TNNI3K: variants seen among roughly 807,000 people sequenced by gnomAD.
TNNI3K encodes TNNI3 interacting kinase, also known as serine/threonine-protein kinase TNNI3K.
TNNI3K carries 140 observed loss-of-function variants against 114.5 expected under a neutral mutation model. The ratio of observed to expected loss-of-function variants is 1.22; its 90% CI spans 1.07 to 1.41. TNNI3K has a LOEUF of 1.41. Among genes scored for constraint, TNNI3K ranks in the 40% most tolerant of loss-of-function variants. The pLI, the probability that TNNI3K is intolerant of heterozygous loss-of-function variation, is 0.00. For missense variants in TNNI3K, 1,125 were observed against 1,007.6 expected, an observed-to-expected ratio of 1.12 and a Z score of -1.58; for synonymous variants, 347 against 347.5, an observed-to-expected ratio of 1.00 and a Z score of 0.02.
At chr1:74,526,862 G>C (rs6604866) in intron 23 of TNNI3K, among the ~76,000 whole-genome samples, 66,837 of 152,032 alleles carry the variant, frequency 0.44, 16,140 homozygotes, top group Non-Finnish European at 0.56. Flanking sequence ...AAATCCAACT[G>C]CCTGCTTGTT....
At chr1:74,402,742 AG>A (rs1345162220) in intron 17 of TNNI3K, among the ~76,000 whole-genome samples, 1 of 152,224 alleles carries the variant, frequency 6.6e-6, no homozygotes, top group East Asian at 1.9e-4. Flanking sequence ...TATCAGCTGG[AG>A]GCTTCCCTTA....
intron 16 of TNNI3K, 29 bp from the exon 17 acceptor site, chr1:74,370,259 T>C: frequency 6.5e-7 from 1 of 1,544,514 alleles, no homozygotes; most frequent in Non-Finnish European, 8.8e-7. Context: ...GACCATTTCA[T>C]CTCTGTTAAA....
intron 19 of TNNI3K, 29 bp downstream of exon 19, chr1:74,436,555 TA>T (rs1204288161): frequency 1.3e-6 from 2 of 1,573,464 alleles, no homozygotes; most frequent in African/African-American, 1.4e-5. Context: ...TTCCTATAAT[TA>T]TAAACCAATT....
chr1:74,395,497 G>C (rs1570568432), intron 17 of TNNI3K, among the ~76,000 whole-genome samples: 1 of 152,314 alleles, frequency 6.6e-6, no homozygotes, highest in African/African-American at 2.4e-5. Flanking sequence ...AGGGAGAAAA[G>C]CTGGCACCCC....
intron 11 of TNNI3K, among the ~76,000 whole-genome samples, chr1:74,354,771 A>G (rs1661567883): frequency 6.6e-6 from 1 of 152,206 alleles, no homozygotes; most frequent in Non-Finnish European, 1.5e-5. Context: ...TCTACTTTAT[A>G]AGATTGTAAA....
At chr1:74,259,557 G>A (rs1431296623) in intron 4 of TNNI3K, among the ~76,000 whole-genome samples, 1 of 152,080 alleles carries the variant, frequency 6.6e-6, no homozygotes, top group Non-Finnish European at 1.5e-5. Context: ...TGAGGCAGGT[G>A]GATCACTTGA....
At chr1:74,519,264 T>G (rs1315987948) in intron 23 of TNNI3K, among the ~76,000 whole-genome samples, 6 of 87,330 alleles carry the variant, frequency 6.9e-5, no homozygotes, top group Non-Finnish European at 6.3e-5. Context: ...TGCCACATTT[T>G]CTTAATCCAG....
At chr1:74,433,186 A>T (rs888477068) in intron 17 of TNNI3K, among the ~76,000 whole-genome samples, 1 of 152,070 alleles carries the variant, frequency 6.6e-6, no homozygotes, top group Non-Finnish European at 1.5e-5. Context: ...TAATAATTGT[A>T]CCACTTCTGT....
intron 5 of TNNI3K, among the ~76,000 whole-genome samples, chr1:74,275,061 A>G (rs1656592008): frequency 1.3e-5 from 2 of 152,104 alleles, no homozygotes; most frequent in South Asian, 4.1e-4. Flanking sequence ...TATTATTAGA[A>G]ACATAATAAT....
chr1:74,335,170 A>G (rs1660402230), intron 6 of TNNI3K, among the ~76,000 whole-genome samples: 1 of 152,184 alleles, frequency 6.6e-6, no homozygotes, highest in Admixed American at 6.5e-5. Context: ...CCTCATGACA[A>G]CCCATGAGTT....
At chr1:74,480,031 C>T (rs1668401145) in intron 21 of TNNI3K, 2 of 609,406 alleles carry the variant, frequency 3.3e-6, no homozygotes, top group East Asian at 5.5e-5. Context: ...CCCACATCTA[C>T]TGGCAACCTC....
At chr1:74,479,449 T>G (rs942281574) in intron 21 of TNNI3K, among the ~76,000 whole-genome samples, 1 of 152,168 alleles carries the variant, frequency 6.6e-6, no homozygotes, top group African/African-American at 2.4e-5. Flanking sequence ...TACATAGAGT[T>G]GGACAAACAG....
intron 17 of TNNI3K, among the ~76,000 whole-genome samples, chr1:74,388,075 C>T (rs998678686): frequency 6.6e-6 from 1 of 152,100 alleles, no homozygotes; most frequent in Admixed American, 6.5e-5. Flanking sequence ...GTCAGGAGTT[C>T]GAGACCAGCC....
chr1:74,285,063 T>A (rs1240382014), intron 5 of TNNI3K, among the ~76,000 whole-genome samples: 1 of 152,204 alleles, frequency 6.6e-6, no homozygotes, highest in African/African-American at 2.4e-5. Flanking sequence ...TAGTTAGAGG[T>A]GAATATGTTC....
At chr1:74,247,271 G>A (rs1654627383) in intron 2 of TNNI3K, among the ~76,000 whole-genome samples, 1 of 152,062 alleles carries the variant, frequency 6.6e-6, no homozygotes, top group Non-Finnish European at 1.5e-5. Context: ...TCTTACCGCG[G>A]CGCATCTGGA....
intron 7 of TNNI3K, among the ~76,000 whole-genome samples, chr1:74,339,546 T>G (rs1300884537): frequency 1.3e-5 from 2 of 152,132 alleles, no homozygotes; most frequent in Non-Finnish European, 2.9e-5. Context: ...GAGAGTACAA[T>G]TTGAAATCCA....
At chr1:74,265,382 C>T (rs550118709) in intron 4 of TNNI3K, among the ~76,000 whole-genome samples, 2 of 151,854 alleles carry the variant, frequency 1.3e-5, no homozygotes, top group African/African-American at 4.8e-5. Flanking sequence ...CTAGAAATGT[C>T]GAGGCCCTTC....
At chr1:74,401,776 G>A (rs184181288) in intron 17 of TNNI3K, 12 of 430,558 alleles carry the variant, frequency 2.8e-5, no homozygotes, top group Non-Finnish European at 5.6e-5. Context: ...CCATAAAATT[G>A]CTATGTAATT....
In TNNI3K at chr1:74,509,022, T is replaced by TC; in HGVS notation, c.2351+16757dup. On this transcript the variant is annotated intron_variant, in intron 23 of 24. Coordinates refer to ENST00000326637, the MANE Select transcript of TNNI3K (RefSeq NM_015978.3). The stretch of plus-strand genomic sequence containing the variant: ...CTACCCACGGATGGATAAACCCCTT[T>TC]CTGAGGGTGAGAAATGAAAGCCTGT... Among the ~76,000 whole-genome samples the TC allele has an allele frequency of 2.0e-5, 3 of 152,306 alleles. No individual in the cohort carries two copies. The Middle Eastern group carries it at 0.01, about 518-fold the overall frequency.
Sources: allele counts gnomAD v4.1 joint callset (sites outside exome capture counted in the v4.1 genomes callset), GRCh38; gene constraint gnomAD v4.1.1; transcripts MANE v1.5; gene names NCBI Gene and HGNC (gene_info 2026-07-23, HGNC 2026-07-21).